The following SYNM variants were observed in gnomAD, a reference collection of about 807,000 sequenced individuals.
SYNM encodes synemin, also known as desmuslin.
SYNM carries 95 observed loss-of-function variants against 104.0 expected under a neutral mutation model. The ratio of observed to expected loss-of-function variants is 0.91; its 90% CI spans 0.77 to 1.08. The LOEUF is 1.08. Among genes scored for constraint, SYNM ranks in the 50% least tolerant of loss-of-function variants. The pLI is 0.00. For synonymous variants in SYNM, 918 were observed against 869.0 expected (o/e 1.06, Z -0.99); for missense variants, 2,150 against 2,052.2 (o/e 1.05, Z -0.92).
rs2067540942 is a variant in SYNM at position 99,134,181 on chromosome 15, GGTGTTTTGTCCA to G, written c.*1125_*1136del. 1 of 152,062 alleles carries G rather than the reference GGTGTTTTGTCCA, an allele frequency of 6.6e-6. No homozygotes were observed. Among genetic ancestry groups the G allele is most frequent in the South Asian group, 2.1e-4 (1 of 4,804 alleles). 9.4% of individuals were successfully genotyped at this position (152,062 alleles called of 1,614,324 possible). A position where few individuals can be genotyped will look rare whatever the true frequency, so the allele number is the denominator to read the frequency against. On this transcript the variant is annotated 3_prime_UTR_variant, in exon 4 of 4. Coordinates refer to ENST00000336292, the MANE Select transcript of SYNM (RefSeq NM_145728.3). ...TTTGAACAGAAGTCATTGCAGTTGG[GGTGTTTTGTCCA>G]GGGAAACAGTTTATTAAATAGAAGG...
rs1257077217 is a variant in SYNM, at chr15:99,132,992, TGAAAA to T, written c.4637_4641del (p.Lys1546SerfsTer9). 1 of 1,613,624 alleles carries T rather than the reference TGAAAA, an allele frequency of 6.2e-7. No homozygotes were observed. Among genetic ancestry groups the T allele is most frequent in the African/African-American group, 1.3e-5 (1 of 74,824 alleles). ...TAGACCAAAGGTCGGTGATTTCAGA[TGAAAA>T]GAAAGTTGCCCTCCTCTATCTAGAC... On this transcript the variant is annotated frameshift_variant, in exon 4 of 4. Coordinates refer to ENST00000336292, the MANE Select transcript of SYNM (RefSeq NM_145728.3). LOFTEE classifies it high-confidence loss of function.
chr15:99,119,197 G>A (rs778338964), intron 2 of SYNM, among the ~76,000 whole-genome samples: 1 of 152,210 alleles, frequency 6.6e-6, no homozygotes, highest in Non-Finnish European at 1.5e-5. Context: ...AGTGACAGGT[G>A]GAACCGGCAC....
At chr15:99,106,031 G>A (rs1001695438) in intron 1 of SYNM, 22 bp downstream of exon 1, 28 of 1,430,606 alleles carry the variant, frequency 2.0e-5, no homozygotes, top group Non-Finnish European at 2.6e-5. Flanking sequence ...GGGATGGCGC[G>A]CTGACCCCAT....
intron 2 of SYNM, among the ~76,000 whole-genome samples, chr15:99,125,459 C>G (rs1189611343): frequency 6.6e-6 from 1 of 152,248 alleles, no homozygotes; most frequent in Non-Finnish European, 1.5e-5. Context: ...CTGCACATGC[C>G]CCGTCCACAC....
In SYNM at chr15:99,130,903, C is replaced by A. The variant is rs370574007; in HGVS notation, c.2543C>A (p.Ser848Ter). 89 of 1,613,702 alleles carry A rather than the reference C, an allele frequency of 5.5e-5. No individual in the cohort carries two copies. Among genetic ancestry groups the A allele is most frequent in the Non-Finnish European group, 1.1e-5 (13 of 1,179,876 alleles). The change falls in exon 4 of 4, where the codon TCG (serine) becomes TAG (stop). Residue 848 changes from serine to a stop codon, truncating the protein, a stop_gained. Transcript: ENST00000336292. LOFTEE classifies it high-confidence loss of function. The part of the protein sequence containing the change: ...HPGGHDRDDG[S>*]VYGQIHIEEE... Reference sequence around the variant, plus strand: ...GGGGGGCACGACAGAGATGACGGCTCGGTGTACGGGCAGATCCACATCGAG... The same window carrying A: ...GGGGGGCACGACAGAGATGACGGCTAGGTGTACGGGCAGATCCACATCGAG...
Position 99,130,540 on chromosome 15 carries a change from G to A in SYNM, c.2180G>A (p.Gly727Glu). The change falls in exon 4 of 4, where the codon GGA (glycine) becomes GAA (glutamate). Residue 727 changes from glycine (G) to glutamate (E), a missense_variant. By Grantham distance (98) the Gly-to-Glu change is moderately conservative. Transcript: ENST00000336292. Reference sequence around the variant, plus strand: ...GGCAAGTCAGCCGAGCAGATGATAGGAGACATCATCAACCTCGGCCTGAAA... The same window carrying A: ...GGCAAGTCAGCCGAGCAGATGATAGAAGACATCATCAACCTCGGCCTGAAA... ...LKGKSAEQMI[G>E]DIINLGLKGR... The A allele has an allele frequency of 6.2e-7, 1 of 1,613,918 alleles. No individual in the cohort carries two copies. The highest frequency in any genetic ancestry group is 8.5e-7 in the Non-Finnish European group (1 of 1,179,862).
chr15:99,129,638 A>T lies in SYNM; in HGVS notation c.1278A>T (p.Arg426Ser), dbSNP rs1555485434. The change falls in exon 4 of 4, where the codon AGA becomes AGT. Residue 426 changes from arginine (R) to serine (S), a missense_variant. Transcript: ENST00000336292. ...CCGTCAGCAGTCAAACCAACGTCAG[A>T]ACTTTCTCTCCAACCTATGGCCTTT... Reference protein sequence around the residue: ...GKAVSSQTNVRTFSPTYGLLR... With the variant: ...GKAVSSQTNVSTFSPTYGLLR... The T allele has an allele frequency of 6.2e-7, 1 of 1,613,988 alleles. No homozygotes were observed. The highest frequency in any genetic ancestry group is 8.5e-7 in the Non-Finnish European group (1 of 1,179,898).
Position 99,113,621 on chromosome 15 carries a change from G to A in SYNM, c.841G>A (p.Ala281Thr). 6.2e-7 allele frequency: 1 copy of A among 1,613,546 alleles called. No homozygotes were observed. The highest frequency in any genetic ancestry group is 8.5e-7 in the Non-Finnish European group (1 of 1,179,684). Residue 281 changes from alanine (A) to threonine (T), a missense_variant, in exon 2 of 4, where the codon GCA (alanine) becomes ACA (threonine). By Grantham distance (58) the Ala-to-Thr change is moderately conservative (BLOSUM62 0). Transcript: ENST00000336292. ...RVIDCLEDEK[A>T]TLTLAMADWL... ...GATTGACTGCCTGGAGGATGAGAAG[G>A]CAACCCTCACCTTGGCCATGGCTGA...
chr15:99,106,101 CAGG>C (rs1338959532), intron 1 of SYNM, 92 bp downstream of exon 1: 1 of 1,288,276 alleles, frequency 7.8e-7, no homozygotes, highest in African/African-American at 1.6e-5. Flanking sequence ...GCCCCTTCAC[CAGG>C]GGCGCGGCGT....
downstream of SYNM, among the ~76,000 whole-genome samples, chr15:99,138,829 C>T (rs1011031754): frequency 2.0e-5 from 3 of 152,234 alleles, no homozygotes; most frequent in Non-Finnish European, 4.4e-5. Context: ...CAGACTCAGG[C>T]AGCCCTGGGG....
intron 2 of SYNM, among the ~76,000 whole-genome samples, chr15:99,121,484 C>T (rs2067399995): frequency 6.6e-6 from 1 of 152,106 alleles, no homozygotes; most frequent in Non-Finnish European, 1.5e-5. Context: ...GAGACACGTG[C>T]CGCTGTCACT....
chr15:99,129,481 T>C lies in SYNM; in HGVS notation c.1121T>C (p.Leu374Pro), dbSNP rs1312183606. 2.5e-6 allele frequency: 4 copies of C among 1,613,894 alleles called. No individual in the cohort carries two copies. Among genetic ancestry groups the C allele is most frequent in the African/African-American group, 2.7e-5 (2 of 74,936 alleles). ...PLASFNHSSALYSNLSGHRGS... is the reference protein window; with the variant it reads ...PLASFNHSSAPYSNLSGHRGS... The stretch of plus-strand genomic sequence containing the variant: ...GCAAGTTTCAATCACAGCTCGGCAC[T>C]GTATTCTAACCTGTCAGGGCACCGT... The change falls in exon 4 of 4, where the codon CTG becomes CCG. Residue 374 changes from leucine to proline, a missense_variant. Coordinates refer to ENST00000336292, the MANE Select transcript of SYNM (RefSeq NM_145728.3).
intron 1 of SYNM, among the ~76,000 whole-genome samples, chr15:99,106,707 A>C (rs2067248229): frequency 6.6e-6 from 1 of 152,224 alleles, no homozygotes; most frequent in South Asian, 2.1e-4. Context: ...ATAAACAGTT[A>C]CTATTTCAGG....
Position 99,113,629 on chromosome 15 carries a change from C to T in SYNM, c.849C>T (p.Leu283=), listed in dbSNP as rs1468140792. The T allele has an allele frequency of 1.2e-6, 2 of 1,613,624 alleles. No homozygotes were observed. Among genetic ancestry groups the T allele is most frequent in the Non-Finnish European group, 1.7e-6 (2 of 1,179,710 alleles). The part of the protein sequence containing the change: ...IDCLEDEKAT[L]TLAMADWLRD... The stretch of plus-strand genomic sequence containing the variant: ...GCCTGGAGGATGAGAAGGCAACCCT[C>T]ACCTTGGCCATGGCTGACTGGCTGC... The change falls in exon 2 of 4, where the codon CTC becomes CTT. Residue 283 remains leucine (L), a synonymous_variant. Coordinates refer to ENST00000336292, the MANE Select transcript of SYNM (RefSeq NM_145728.3).
chr15:99,131,884 C>G lies in SYNM; in HGVS notation c.3524C>G (p.Thr1175Arg). ...TGASRSVRHV[T>R]LGPGQSPLSR... ...GCCAGCCGGTCTGTGAGGCATGTCA[C>G]GCTGGGTCCCGGTCAAAGTCCACTG... The change falls in exon 4 of 4, where the codon ACG becomes AGG. Residue 1175 changes from threonine (T) to arginine (R), a missense_variant. Transcript: ENST00000336292. This position sits in a 1 kb window ranked among gnomAD's most constrained non-coding sequence, Gnocchi z 4.3. 1 of 1,613,964 alleles carries G rather than the reference C, an allele frequency of 6.2e-7. No individual in the cohort carries two copies.
rs782600331 is a variant in SYNM, at chr15:99,131,233, A to G, written c.2873A>G (p.Glu958Gly). 6.2e-7 allele frequency: 1 copy of G among 1,609,416 alleles called. No homozygotes were observed. Among genetic ancestry groups the G allele is most frequent in the Non-Finnish European group, 8.5e-7 (1 of 1,178,168 alleles). Residue 958 changes from glutamate to glycine, a missense_variant, in exon 4 of 4, where the codon GAA becomes GGA. By Grantham distance (98) the Glu-to-Gly change is moderately conservative. Coordinates refer to ENST00000336292, the MANE Select transcript of SYNM (RefSeq NM_145728.3). The surrounding 1 kb of genome is among the most constrained non-coding windows in gnomAD (Gnocchi z 4.3). ...GTGGAGGTCATCGGGCAGCTGGAGG[A>G]AACCCTTCCCGAGCGCATGAGGGAG... The part of the protein sequence containing the change: ...QLVEVIGQLE[E>G]TLPERMREEL...
intron 2 of SYNM, among the ~76,000 whole-genome samples, chr15:99,115,467 C>CTTTTTTTTTTTTTTTTTTT (rs1239411620): frequency 1.0e-5 from 1 of 99,120 alleles, no homozygotes. Flanking sequence ...TTATTTTATT[C>CTTTTTTTTTTTTTTTTTTT]TATTTTTTTT....
At position 99,130,298 on chromosome 15, in the gene SYNM, C is replaced by A; in HGVS notation, c.1938C>A (p.Ile646=). ...ETVAENIVTS[I]LKQFTQSPET... ...TAGCAGAAAACATCGTTACCAGTAT[C>A]CTGAAGCAGTTCACTCAGTCTCCAG... The change falls in exon 4 of 4, where the codon ATC becomes ATA. Residue 646 remains isoleucine (I), a synonymous_variant. Transcript: ENST00000336292. 2 of 1,613,914 alleles carry A rather than the reference C, an allele frequency of 1.2e-6. No homozygotes were observed. The highest frequency in any genetic ancestry group is 1.7e-6 in the Non-Finnish European group (2 of 1,179,858).
In SYNM at chr15:99,130,496, T is replaced by C. The variant is rs1196333488; in HGVS notation, c.2136T>C (p.Ile712=). Residue 712 remains isoleucine (I), a synonymous_variant, in exon 4 of 4, where the codon ATT becomes ATC. Coordinates refer to ENST00000336292, the MANE Select transcript of SYNM (RefSeq NM_145728.3). ...TGGACTACCTTTTAAGCAAGGATAT[T>C]AAGGAAGTGGGGCTGAAAGGCAAGT... ...AGLDYLLSKD[I]KEVGLKGKSA... 7 of 1,613,700 alleles carry C rather than the reference T, an allele frequency of 4.3e-6. No individual in the cohort carries two copies. Among genetic ancestry groups the C allele is most frequent in the East Asian group, 2.2e-5 (1 of 44,888 alleles).
Sources: gnomAD v4.1 joint callset for allele counts (sites outside exome capture counted in the v4.1 genomes callset) on GRCh38, gnomAD v4.1.1 for gene constraint, Gnocchi (gnomAD v3.1) non-coding constraint, MANE v1.5 for transcripts, NCBI Gene and HGNC (gene_info 2026-07-23, HGNC 2026-07-21) for gene names.